The following MEI4 variants were observed in gnomAD, a reference collection of about 807,000 sequenced individuals.
MEI4 encodes the protein meiotic double-stranded break formation protein 4.
A neutral mutation model predicts 31.4 loss-of-function variants in MEI4; 27 were observed. The observed-to-expected ratio is 0.86, with a 90% CI of 0.63 to 1.19. MEI4 has a LOEUF of 1.19. Ranked by LOEUF, MEI4 falls within the 50% of genes most tolerant of loss-of-function variation. MEI4 has a pLI of 0.00. For synonymous variants in MEI4, 122 were observed against 145.4 expected (o/e 0.84, Z 1.16); for missense variants, 329 against 398.9 (o/e 0.82, Z 1.49).
intron 2 of MEI4, among the ~76,000 whole-genome samples, chr6:77,734,734 G>T (rs1005596833): frequency 1.3e-5 from 2 of 151,862 alleles, no homozygotes; most frequent in Non-Finnish European, 2.9e-5. Flanking sequence ...TAGTCTCGAT[G>T]GTCTTTACCT....
intron 1 of MEI4, among the ~76,000 whole-genome samples, chr6:77,680,598 G>A (rs1272548370): frequency 6.6e-6 from 1 of 152,204 alleles, no homozygotes; most frequent in Non-Finnish European, 1.5e-5. Flanking sequence ...AAAATGCAAA[G>A]GGCATCATAT....
chr6:77,671,280 G>C (rs904690335), intron 1 of MEI4, among the ~76,000 whole-genome samples: 1 of 151,846 alleles, frequency 6.6e-6, no homozygotes, highest in Non-Finnish European at 1.5e-5. Flanking sequence ...GGCTGGTCTC[G>C]AACTCCTGAC....
chr6:77,747,622 A>C (rs963031215), intron 2 of MEI4, among the ~76,000 whole-genome samples: 1 of 152,162 alleles, frequency 6.6e-6, no homozygotes, highest in Non-Finnish European at 1.5e-5. Flanking sequence ...TGGGGATTAC[A>C]GTTCAAGATG....
chr6:77,715,007 AT>A (rs1178355051), intron 2 of MEI4, among the ~76,000 whole-genome samples: 1 of 152,122 alleles, frequency 6.6e-6, no homozygotes, highest in Non-Finnish European at 1.5e-5. Flanking sequence ...GCCATGCCTT[AT>A]TTATCACTTG....
At chr6:77,650,460 G>T (rs1581989157), upstream of MEI4, among the ~76,000 whole-genome samples, 1 of 152,336 alleles carries the variant, frequency 6.6e-6, no homozygotes, top group African/African-American at 2.4e-5. Flanking sequence ...CGCTGGCTCT[G>T]GTGACCACCT....
intron 3 of MEI4, among the ~76,000 whole-genome samples, chr6:77,797,385 G>T (rs1008962992): frequency 6.6e-6 from 1 of 152,144 alleles, no homozygotes; most frequent in Non-Finnish European, 1.5e-5. Flanking sequence ...ACAATCAATA[G>T]ATTGAAAAGC....
intron 2 of MEI4, among the ~76,000 whole-genome samples, chr6:77,703,421 C>T (rs142466293): frequency 3.3e-5 from 5 of 152,296 alleles, no homozygotes; most frequent in African/African-American, 9.6e-5. Context: ...ACAATGTTAG[C>T]TTCTTATCAG....
Position 77,907,264 on chromosome 6 carries a change from T to C in MEI4, c.901-15825T>C, listed in dbSNP as rs538597301. On this transcript the variant is annotated intron_variant, in intron 4 of 4. Transcript: ENST00000684080. ...AACTCTTCATTTAACATTAGGTATA[T>C]CTCCAAATGCTATCCCTTCCCCCTC... Among the ~76,000 whole-genome samples, 3 of 152,168 alleles carry C rather than the reference T, an allele frequency of 2.0e-5. No individual in the cohort carries two copies. The East Asian group carries it at 5.8e-4, about 29-fold the overall frequency.
intron 2 of MEI4, among the ~76,000 whole-genome samples, chr6:77,735,107 G>T (rs997592685): frequency 6.6e-6 from 1 of 151,928 alleles, no homozygotes; most frequent in African/African-American, 2.4e-5. Context: ...TGACAATTAT[G>T]TGTCTTGGAG....
intron 2 of MEI4, among the ~76,000 whole-genome samples, chr6:77,757,638 C>CT (rs1767947299): frequency 6.6e-6 from 1 of 152,174 alleles, no homozygotes; most frequent in African/African-American, 2.4e-5. Context: ...AATTCATTTT[C>CT]TGAGTTTTTC....
chr6:77,736,508 GCA>G (rs1402749280), intron 2 of MEI4, among the ~76,000 whole-genome samples: 3 of 151,970 alleles, frequency 2.0e-5, no homozygotes, highest in African/African-American at 7.3e-5. Context: ...AACGGTGCGC[GCA>G]CACACTGACC....
At chr6:77,749,811 T>C (rs1767718932) in intron 2 of MEI4, among the ~76,000 whole-genome samples, 1 of 151,952 alleles carries the variant, frequency 6.6e-6, no homozygotes, top group South Asian at 2.1e-4. Flanking sequence ...CCAAGACACA[T>C]AATGATCAGA....
intron 2 of MEI4, among the ~76,000 whole-genome samples, chr6:77,732,092 G>C (rs1358371537): frequency 5.3e-5 from 8 of 150,908 alleles, no homozygotes; most frequent in Non-Finnish European, 1.0e-4. Flanking sequence ...TTTGACTTAG[G>C]ATTGACTTGG....
intron 2 of MEI4, among the ~76,000 whole-genome samples, chr6:77,740,549 G>T (rs1767373097): frequency 6.6e-6 from 1 of 152,074 alleles, no homozygotes; most frequent in African/African-American, 2.4e-5. Context: ...ATCACAATAT[G>T]AATTATGAAA....
intron 4 of MEI4, among the ~76,000 whole-genome samples, chr6:77,830,503 A>G (rs2127711788): frequency 6.6e-6 from 1 of 152,212 alleles, no homozygotes; most frequent in East Asian, 1.9e-4. Context: ...TCCTAAAGCC[A>G]TAATTCAAAC....
At chr6:77,886,851 CT>C (rs1213491701) in intron 4 of MEI4, among the ~76,000 whole-genome samples, 14 of 151,706 alleles carry the variant, frequency 9.2e-5, no homozygotes, top group African/African-American at 3.1e-4. Context: ...CTCTTTTTTT[CT>C]TTTTTGGTTG....
rs1164890894 is a variant in MEI4 at position 77,835,372 on chromosome 6, A to AC, written c.900+6310_900+6311insC. ...TGAAACTCCATAAGAAAACAAAACAAAACACACACACACACACACACACAC... is the reference window on the plus strand; with the variant it reads ...TGAAACTCCATAAGAAAACAAAACAACAACACACACACACACACACACACAC... On this transcript the variant is annotated intron_variant, in intron 4 of 4. Transcript: ENST00000684080. 1.6e-3 allele frequency among the ~76,000 whole-genome samples: 155 copies of AC among 98,078 alleles called. 1 individual carries two copies. Among genetic ancestry groups the AC allele is most frequent in the African/African-American group, 6.2e-3 (136 of 21,902 alleles). The allele number at this position is 98,078 out of a possible 152,430, so 64.3% of individuals were successfully genotyped here.
Position 77,741,786 on chromosome 6 carries a change from C to T in MEI4, c.233-19344C>T, listed in dbSNP as rs867318405. Reference sequence around the variant, plus strand: ...CCTCCCCCCTCCCCCCACCCCACAACAGTCCCCAGAGTGTGATGTTCCCCT... The same window carrying T: ...CCTCCCCCCTCCCCCCACCCCACAATAGTCCCCAGAGTGTGATGTTCCCCT... On this transcript the variant is annotated intron_variant, in intron 2 of 4. Coordinates refer to ENST00000684080, the MANE Select transcript of MEI4 (RefSeq NM_001322247.2). 2.4e-3 allele frequency among the ~76,000 whole-genome samples: 274 copies of T among 112,254 alleles called. 2 individuals are homozygous for T. The highest frequency in any genetic ancestry group is 8.6e-3 in the African/African-American group (242 of 28,232). The allele number at this position is 112,254 out of a possible 152,430, so 73.6% of individuals were successfully genotyped here.
chr6:77,656,088 T>A (rs1447869010), intron 1 of MEI4, among the ~76,000 whole-genome samples: 1 of 152,138 alleles, frequency 6.6e-6, no homozygotes, highest in Non-Finnish European at 1.5e-5. Flanking sequence ...TTCATTTTTA[T>A]TAGATTGCTT....
Sources: allele counts gnomAD v4.1 joint callset (sites outside exome capture counted in the v4.1 genomes callset), GRCh38; gene constraint gnomAD v4.1.1; transcripts MANE v1.5; gene names NCBI Gene and HGNC (gene_info 2026-07-23, HGNC 2026-07-21).